PVT1: variants seen among roughly 807,000 people sequenced by gnomAD.
PVT1 encodes the protein Pvt1 oncogene.
intron 2 of PVT1, among the ~76,000 whole-genome samples, chr8:127,826,688 G>A (rs911390855): frequency 6.6e-6 from 1 of 152,230 alleles, no homozygotes; most frequent in South Asian, 2.1e-4. Context: ...CATAGTGGCT[G>A]TTGCTAAGAG....
intron 4 of PVT1, among the ~76,000 whole-genome samples, chr8:127,991,147 T>C (rs1232747833): frequency 2.2e-5 from 3 of 139,184 alleles, no homozygotes; most frequent in Non-Finnish European, 3.1e-5. Flanking sequence ...TTTCTTTTTT[T>C]TTTTTTTTTT....
chr8:128,021,903 CA>C, intron 4 of PVT1, among the ~76,000 whole-genome samples: 1 of 152,094 alleles, frequency 6.6e-6, no homozygotes, highest in South Asian at 2.1e-4. Flanking sequence ...AGGGAGAGTG[CA>C]GGGGTAGGGA....
At chr8:128,024,217 G>A (rs1817468710) in intron 4 of PVT1, among the ~76,000 whole-genome samples, 1 of 152,240 alleles carries the variant, frequency 6.6e-6, no homozygotes, top group Admixed American at 6.5e-5. Flanking sequence ...CTACACGGCA[G>A]TGAGTGTAAC....
intron 3 of PVT1, among the ~76,000 whole-genome samples, chr8:127,926,918 G>A (rs6990797): frequency 0.084 from 12,829 of 152,264 alleles, 695 homozygotes; most frequent in Middle Eastern, 0.14. Flanking sequence ...AATCGGACAC[G>A]AGGAAAGGTC....
intron 2 of PVT1, among the ~76,000 whole-genome samples, chr8:127,864,670 C>G (rs1348918484): frequency 6.6e-6 from 1 of 152,152 alleles, no homozygotes; most frequent in African/African-American, 2.4e-5. Flanking sequence ...GCCTCAGCCC[C>G]CTGAGTAGCT....
intron 5 of PVT1, among the ~76,000 whole-genome samples, chr8:128,083,602 G>A (rs56249148): frequency 0.031 from 4,782 of 152,350 alleles, 129 homozygotes; most frequent in Middle Eastern, 0.071. Flanking sequence ...ATGGGCTTGG[G>A]TCTCTCCTGG....
At chr8:127,866,541 G>A (rs774400809) in intron 2 of PVT1, among the ~76,000 whole-genome samples, 16 of 152,144 alleles carry the variant, frequency 1.1e-4, no homozygotes, top group Non-Finnish European at 2.4e-4. Context: ...GCCTGGAGGA[G>A]TAGCCCCTAT....
chr8:127,799,510 T>A (rs1160396148), intron 2 of PVT1, among the ~76,000 whole-genome samples: 1 of 152,188 alleles, frequency 6.6e-6, no homozygotes, highest in African/African-American at 2.4e-5. Flanking sequence ...CTTGACATGG[T>A]GTGGAAGTGG....
chr8:127,944,887 T>C (rs890869496), intron 3 of PVT1, among the ~76,000 whole-genome samples: 1 of 152,188 alleles, frequency 6.6e-6, no homozygotes, highest in Admixed American at 6.5e-5. Context: ...AATTGGTTCC[T>C]TCCCTCCCCG....
At chr8:127,847,591 T>A (rs1015957042) in intron 2 of PVT1, among the ~76,000 whole-genome samples, 2 of 152,148 alleles carry the variant, frequency 1.3e-5, no homozygotes, top group African/African-American at 4.8e-5. Context: ...CATCTGTGAG[T>A]TGAAGACTGG....
Position 127,915,612 on chromosome 8 carries a change from CAA to C in PVT1, n.782+24636_782+24637del, listed in dbSNP as rs61238663. On this transcript the variant is annotated intron_variant and non_coding_transcript_variant, in intron 3 of 10. Coordinates refer to ENST00000651587, the Ensembl canonical transcript of PVT1. ...GGGCAACAAGAGCGAAACTCCATCTCAAAAAAAAAAAAAAAAAAAAAAAGAGG... is the reference window on the plus strand; with the variant it reads ...GGGCAACAAGAGCGAAACTCCATCTCAAAAAAAAAAAAAAAAAAAAAGAGG... Among the ~76,000 whole-genome samples the C allele has an allele frequency of 9.7e-3, 628 of 64,468 alleles. 4 individuals are homozygous for C. Among genetic ancestry groups the C allele is most frequent in the African/African-American group, 0.032 (588 of 18,368 alleles). 42.3% of individuals were successfully genotyped at this position (64,468 alleles called of 152,430 possible). A position where few individuals can be genotyped will look rare whatever the true frequency, so the allele number is the denominator to read the frequency against.
intron 5 of PVT1, among the ~76,000 whole-genome samples, chr8:128,073,980 C>T (rs1464754016): frequency 6.6e-6 from 1 of 152,088 alleles, no homozygotes; most frequent in South Asian, 2.1e-4. Flanking sequence ...TGTCCTTGTG[C>T]TAGTCATGAA....
intron 3 of PVT1, among the ~76,000 whole-genome samples, chr8:127,919,710 G>T (rs923527453): frequency 6.6e-6 from 1 of 152,128 alleles, no homozygotes; most frequent in African/African-American, 2.4e-5. Flanking sequence ...TCGTTTTCTG[G>T]CCTCACTCAC....
intron 4 of PVT1, among the ~76,000 whole-genome samples, chr8:128,052,716 C>A (rs1027112169): frequency 2.0e-5 from 3 of 152,216 alleles, no homozygotes; most frequent in Admixed American, 1.3e-4. Context: ...ATTGTGTTTA[C>A]CACAGTCATA....
At chr8:127,818,382 C>T (rs1350289391) in intron 2 of PVT1, among the ~76,000 whole-genome samples, 4 of 152,158 alleles carry the variant, frequency 2.6e-5, no homozygotes, top group Non-Finnish European at 5.9e-5. Flanking sequence ...TCCTGTGCTG[C>T]CCCCTGCCTG....
intron 3 of PVT1, among the ~76,000 whole-genome samples, chr8:127,976,348 A>G (rs1371163294): frequency 6.6e-6 from 1 of 152,154 alleles, no homozygotes; most frequent in Non-Finnish European, 1.5e-5. Context: ...TATTATTACT[A>G]ATAAACAAGA....
intron 3 of PVT1, among the ~76,000 whole-genome samples, chr8:127,951,252 T>A (rs1172935628): frequency 6.6e-6 from 1 of 152,164 alleles, no homozygotes. Context: ...AGGACCCTCC[T>A]GGGAAACTTT....
At chr8:128,029,126 C>T (rs141973267) in intron 4 of PVT1, among the ~76,000 whole-genome samples, 1 of 151,804 alleles carries the variant, frequency 6.6e-6, no homozygotes, top group Non-Finnish European at 1.5e-5. Flanking sequence ...GACTACAGCA[C>T]CACCACCATG....
chr8:127,825,345 C>G (rs776035230), intron 2 of PVT1, among the ~76,000 whole-genome samples: 2 of 152,162 alleles, frequency 1.3e-5, no homozygotes, highest in Non-Finnish European at 2.9e-5. Context: ...GTTACAGTCA[C>G]AAAATTACAC....
Sources: gnomAD v4.1 joint callset for allele counts (sites outside exome capture counted in the v4.1 genomes callset) on GRCh38, gnomAD v4.1.1 for gene constraint, MANE v1.5 for transcripts, NCBI Gene and HGNC (gene_info 2026-07-23, HGNC 2026-07-21) for gene names.